Variants in PPP1R1C observed in about 807,000 individuals in gnomAD.
The protein encoded by PPP1R1C is protein phosphatase 1 regulatory subunit 1C.
In PPP1R1C, 15 loss-of-function variants were observed where a neutral mutation model predicts 17.4. That is an observed-to-expected ratio of 0.86 (90% CI 0.58 to 1.33). PPP1R1C has a LOEUF of 1.33. Among genes scored for constraint, PPP1R1C ranks in the 40% most tolerant of loss-of-function variants. The probability of loss-of-function intolerance (pLI) is 0.00; values close to 1 mark genes in which losing one functional copy is unlikely to be tolerated. For missense variants in PPP1R1C, 143 were observed against 130.0 expected (o/e 1.10, Z -0.48); for synonymous variants, 35 against 43.1 (o/e 0.81, Z 0.73).
chr2:181,991,864 T>A (rs1242827430), intron 2 of PPP1R1C, among the ~76,000 whole-genome samples: 1 of 152,176 alleles, frequency 6.6e-6, no homozygotes, highest in East Asian at 1.9e-4. Context: ...CTGGTTTGGT[T>A]CCTATATATT....
intron 5 of PPP1R1C, among the ~76,000 whole-genome samples, chr2:182,124,130 G>A (rs1689806519): frequency 6.6e-6 from 1 of 152,042 alleles, no homozygotes; most frequent in Non-Finnish European, 1.5e-5. Context: ...CACATTGCTT[G>A]TTTTTGTCAG....
At chr2:182,036,153 C>A (rs1380977048) in intron 2 of PPP1R1C, among the ~76,000 whole-genome samples, 1 of 152,156 alleles carries the variant, frequency 6.6e-6, no homozygotes, top group African/African-American at 2.4e-5. Flanking sequence ...TTTGGTAACA[C>A]AAAAAGCCCT....
intron 4 of PPP1R1C, among the ~76,000 whole-genome samples, chr2:182,080,441 G>T (rs965768908): frequency 1.3e-5 from 2 of 152,148 alleles, no homozygotes; most frequent in Non-Finnish European, 2.9e-5. Flanking sequence ...CCTGTAGAGT[G>T]GATCTTGAGA....
At chr2:181,969,320 A>T (rs1301122084) in intron 1 of PPP1R1C, among the ~76,000 whole-genome samples, 1 of 152,102 alleles carries the variant, frequency 6.6e-6, no homozygotes, top group Non-Finnish European at 1.5e-5. Context: ...TTGTTTGGGA[A>T]AGTATTTATT....
At chr2:181,987,807 A>G in intron 1 of PPP1R1C, 32 bp from the exon 2 acceptor site, 1 of 1,608,320 alleles carries the variant, frequency 6.2e-7, no homozygotes, top group African/African-American at 1.3e-5. Context: ...TCTAATACTC[A>G]CTGATATTAG....
chr2:181,964,934 G>T (rs908120503), intron 1 of PPP1R1C, among the ~76,000 whole-genome samples: 24 of 152,162 alleles, frequency 1.6e-4, no homozygotes, highest in African/African-American at 5.3e-4. Context: ...TCAAACTCCT[G>T]ACCTCAGGTC....
At chr2:181,969,063 C>G (rs1684957219) in intron 1 of PPP1R1C, among the ~76,000 whole-genome samples, 3 of 152,156 alleles carry the variant, frequency 2.0e-5, no homozygotes, top group South Asian at 2.1e-4. Context: ...ACTTCTTATC[C>G]TTCCAACTTT....
In PPP1R1C at chr2:181,978,641, AG is replaced by A. The variant is rs1331103206; in HGVS notation, n.157+3381del. On this transcript the variant is annotated intron_variant and non_coding_transcript_variant, in intron 2 of 5. Coordinates refer to the PPP1R1C transcript ENST00000464264. ...GAGCAGTCCTAGCTGGAGGGACTGG[AG>A]GGGTGTTACACAGGAACTGAGTGGA... Among the ~76,000 whole-genome samples, 11 of 152,146 alleles carry A rather than the reference AG, an allele frequency of 7.2e-5. No homozygotes were observed. The East Asian group carries it at 1.9e-3, about 27-fold the overall frequency.
intron 4 of PPP1R1C, among the ~76,000 whole-genome samples, chr2:182,111,027 A>G (rs1192950012): frequency 6.6e-6 from 1 of 152,098 alleles, no homozygotes; most frequent in Non-Finnish European, 1.5e-5. Flanking sequence ...AACATTTTTA[A>G]AAAGAGAGAG....
chr2:182,029,961 T>C (rs1412130724), intron 2 of PPP1R1C, among the ~76,000 whole-genome samples: 1 of 81,994 alleles, frequency 1.2e-5, no homozygotes, highest in Non-Finnish European at 2.4e-5. Flanking sequence ...ATTTCATTCA[T>C]TTCATCTTCC....
intron 2 of PPP1R1C, among the ~76,000 whole-genome samples, chr2:181,979,627 C>G (rs571809244): frequency 2.0e-5 from 3 of 152,118 alleles, no homozygotes; most frequent in Admixed American, 2.0e-4. Context: ...TTGGGGGTAT[C>G]GGGGTATCTA....
At chr2:182,026,726 G>C (rs1258683171) in intron 2 of PPP1R1C, among the ~76,000 whole-genome samples, 1 of 152,004 alleles carries the variant, frequency 6.6e-6, no homozygotes, top group Non-Finnish European at 1.5e-5. Context: ...CTTTAAAGTA[G>C]TTTTTTACAA....
chr2:181,978,528 C>T (rs1394453268), intron 2 of PPP1R1C, among the ~76,000 whole-genome samples: 1 of 152,178 alleles, frequency 6.6e-6, no homozygotes, highest in Non-Finnish European at 1.5e-5. Flanking sequence ...ACAGGTCAGG[C>T]TCAGTTGAGG....
chr2:182,085,542 A>G (rs760989469), intron 4 of PPP1R1C, among the ~76,000 whole-genome samples: 3 of 152,128 alleles, frequency 2.0e-5, no homozygotes, highest in African/African-American at 7.2e-5. Flanking sequence ...GTACTTCTAG[A>G]AGATAATTAA....
chr2:181,986,008 C>G lies in PPP1R1C; in HGVS notation c.-103C>G. ...TTACAGCTATTTATTACGAAGCACT[C>G]TGTGTGGCTTAGTGGAGTGTGTCTG... On this transcript the variant is annotated 5_prime_UTR_variant, in exon 1 of 5. Coordinates refer to ENST00000682840, the MANE Select transcript of PPP1R1C (RefSeq NM_001080545.3). 1.1e-6 allele frequency: 1 copy of G among 873,638 alleles called. No homozygotes were observed. The highest frequency in any genetic ancestry group is 1.9e-6 in the Non-Finnish European group (1 of 519,514). The allele number at this position is 873,638 out of a possible 1,614,324, so 54.1% of individuals were successfully genotyped here. A position where few individuals can be genotyped will look rare whatever the true frequency, so the allele number is the denominator to read the frequency against.
chr2:182,079,455 G>A (rs149419931), intron 4 of PPP1R1C, among the ~76,000 whole-genome samples: 1 of 152,252 alleles, frequency 6.6e-6, no homozygotes, highest in East Asian at 1.9e-4. Flanking sequence ...AAAAATAATA[G>A]AGGAAGTATA....
intron 2 of PPP1R1C, among the ~76,000 whole-genome samples, chr2:182,020,809 G>A (rs2125162835): frequency 6.6e-6 from 1 of 152,288 alleles, no homozygotes; most frequent in Admixed American, 6.5e-5. Context: ...CTTTCTGGCT[G>A]TTTATGAGTC....
At position 182,061,459 on chromosome 2, in the gene PPP1R1C, G is replaced by A; in HGVS notation, c.160G>A (p.Gly54Arg). 6.8e-7 allele frequency: 1 copy of A among 1,470,238 alleles called. No homozygotes were observed. The highest frequency in any genetic ancestry group is 9.0e-7 in the Non-Finnish European group (1 of 1,111,522). 91.1% of individuals were successfully genotyped at this position (1,470,238 alleles called of 1,614,324 possible). ...HNPPEIDDKR[G>R]PNTQGELQNA... ...TCTTACAGAAATAGATGACAAGAGGGGGCCCAACACACAAGGGGAAGTAAG... is the reference window on the plus strand; with the variant it reads ...TCTTACAGAAATAGATGACAAGAGGAGGCCCAACACACAAGGGGAAGTAAG... Residue 54 changes from glycine (G) to arginine (R), a missense_variant, in exon 3 of 5, where the codon GGG becomes AGG. Coordinates refer to ENST00000682840, the MANE Select transcript of PPP1R1C (RefSeq NM_001080545.3).
chr2:181,982,021 C>T (rs909121403), upstream of PPP1R1C, among the ~76,000 whole-genome samples: 2 of 152,104 alleles, frequency 1.3e-5, no homozygotes, highest in African/African-American at 4.8e-5. Context: ...AAAGTCACGT[C>T]TCATATATCT....
Sources: allele counts gnomAD v4.1 joint callset (sites outside exome capture counted in the v4.1 genomes callset), GRCh38; gene constraint gnomAD v4.1.1; transcripts MANE v1.5; gene names NCBI Gene and HGNC (gene_info 2026-07-23, HGNC 2026-07-21).